TMEM50B: variants seen among roughly 807,000 people sequenced by gnomAD.
TMEM50B encodes HCV p7-trans-regulated protein 3.
A neutral mutation model predicts 23.4 loss-of-function variants in TMEM50B; 14 were observed. The observed-to-expected ratio is 0.60, with a 90% CI of 0.39 to 0.93. TMEM50B has a LOEUF of 0.93. Ranked by LOEUF, TMEM50B falls within the 40% of genes least tolerant of loss-of-function variation. The pLI is 0.00. For synonymous variants in TMEM50B, 64 were observed against 62.3 expected (o/e 1.03, Z -0.13); for missense variants, 159 against 193.0 (o/e 0.82, Z 1.04).
chr21:33,466,281 A>G (rs1453046950), intron 3 of TMEM50B, among the ~76,000 whole-genome samples: 1 of 152,146 alleles, frequency 6.6e-6, no homozygotes, highest in Non-Finnish European at 1.5e-5. Flanking sequence ...AAACCTCCTG[A>G]TGGTATAAGG....
chr21:33,474,485 A>G (rs1191729836), intron 1 of TMEM50B, among the ~76,000 whole-genome samples: 1 of 151,166 alleles, frequency 6.6e-6, no homozygotes, highest in Non-Finnish European at 1.5e-5. Flanking sequence ...ACTGAGACCT[A>G]CAAGAAAAAC....
At chr21:33,466,564 T>C (rs73195854) in intron 3 of TMEM50B, among the ~76,000 whole-genome samples, 2,230 of 152,130 alleles carry the variant, frequency 0.015, 24 homozygotes, top group Non-Finnish European at 0.022. Flanking sequence ...ACTAAAAAAA[T>C]GCAGAAACGT....
At chr21:33,433,606 G>GGGAGGGAA in intron 8 of TMEM50B, among the ~76,000 whole-genome samples, 1 of 152,054 alleles carries the variant, frequency 6.6e-6, no homozygotes, top group East Asian at 1.9e-4. Flanking sequence ...CGGTGGTGGA[G>GGGAGGGAA]GGAGGGAAGT....
At chr21:33,441,059 G>C (rs2084004446) in intron 7 of TMEM50B, among the ~76,000 whole-genome samples, 1 of 151,606 alleles carries the variant, frequency 6.6e-6, no homozygotes. Flanking sequence ...GTGACACCCT[G>C]TCTCTACTAA....
chr21:33,447,725 T>C (rs867974652), downstream of TMEM50B, among the ~76,000 whole-genome samples: 838 of 120,244 alleles, frequency 7.0e-3, 8 homozygotes, highest in African/African-American at 0.022. Context: ...CACACATATA[T>C]ATATATACTG....
intron 1 of TMEM50B, chr21:33,478,923 C>T (rs2084399696): frequency 4.7e-6 from 2 of 426,052 alleles, no homozygotes; most frequent in Admixed American, 6.1e-5. Context: ...TGGGATCCTC[C>T]GAAAAGAGAA....
At chr21:33,465,193 GAA>G in intron 4 of TMEM50B, 147 bp downstream of exon 4, 1 of 536,506 alleles carries the variant, frequency 1.9e-6, no homozygotes, top group East Asian at 3.1e-5. Context: ...TTAAGGATTT[GAA>G]TAACACTAAA....
At chr21:33,447,994 A>C (rs903617333), downstream of TMEM50B, among the ~76,000 whole-genome samples, 1 of 151,822 alleles carries the variant, frequency 6.6e-6, no homozygotes, top group African/African-American at 2.4e-5. Flanking sequence ...TTATGTTTTT[A>C]TTTATTTTTT....
chr21:33,472,238 C>G (rs1468663550), intron 1 of TMEM50B, among the ~76,000 whole-genome samples: 1 of 151,326 alleles, frequency 6.6e-6, no homozygotes, highest in Non-Finnish European at 1.5e-5. Flanking sequence ...AAAAACTTAG[C>G]TGGGCATGGT....
intron 8 of TMEM50B, among the ~76,000 whole-genome samples, chr21:33,435,413 C>T (rs2083935732): frequency 6.6e-6 from 1 of 151,482 alleles, no homozygotes; most frequent in Non-Finnish European, 1.5e-5. Flanking sequence ...ACCCACAGGC[C>T]TACACTGAGG....
chr21:33,441,550 C>T (rs930247924), intron 7 of TMEM50B, among the ~76,000 whole-genome samples: 1 of 152,080 alleles, frequency 6.6e-6, no homozygotes, highest in African/African-American at 2.4e-5. Flanking sequence ...GGCAGATGTC[C>T]TCATAGAAGT....
chr21:33,447,226 GAC>G, downstream of TMEM50B: 1 of 101,654 alleles, frequency 9.8e-6, no homozygotes, highest in Non-Finnish European at 2.6e-5. Flanking sequence ...AAGCTTCTTT[GAC>G]ACACACACCT....
exon 9 of TMEM50B, chr21:33,432,606 A>G (rs2083899942): frequency 7.8e-7 from 1 of 1,287,820 alleles, no homozygotes; most frequent in Non-Finnish European, 1.1e-6. Flanking sequence ...GGACTTGCCC[A>G]TTTTACTAGG....
intron 5 of TMEM50B, among the ~76,000 whole-genome samples, chr21:33,459,691 G>A (rs887244023): frequency 6.6e-6 from 1 of 151,048 alleles, no homozygotes; most frequent in Non-Finnish European, 1.5e-5. Context: ...AAAATTACAG[G>A]ATTAGGTTGG....
exon 9 of TMEM50B, chr21:33,432,683 C>A: frequency 6.2e-7 from 1 of 1,610,926 alleles, no homozygotes; most frequent in Non-Finnish European, 8.5e-7. Context: ...GTAGGAAGAT[C>A]ATTCTGTTCA....
intron 5 of TMEM50B, among the ~76,000 whole-genome samples, chr21:33,458,901 A>G (rs1239960061): frequency 6.6e-6 from 1 of 152,202 alleles, no homozygotes; most frequent in African/African-American, 2.4e-5. Context: ...TCCTCTTGTA[A>G]TCTGACTTAT....
intron 5 of TMEM50B, among the ~76,000 whole-genome samples, chr21:33,456,315 C>T (rs1462346917): frequency 6.6e-6 from 1 of 152,270 alleles, no homozygotes; most frequent in East Asian, 1.9e-4. Context: ...CCTCCTGCCT[C>T]AGCGTCCCAA....
Position 33,460,506 on chromosome 21 carries a change from C to A in TMEM50B, c.281-1G>T. 2 of 1,600,356 alleles carry A rather than the reference C, an allele frequency of 1.2e-6. No homozygotes were observed. Among genetic ancestry groups the A allele is most frequent in the South Asian group, 1.1e-5 (1 of 89,288 alleles). On this transcript the variant is annotated splice_acceptor_variant, in intron 4 of 6. Coordinates refer to ENST00000542230, the MANE Select transcript of TMEM50B (RefSeq NM_006134.7). LOFTEE classifies it high-confidence loss of function. ...CCAATGAAAAGCCAAACTCGAGCACCTGTGTAGAGAAGAGGCTTTATGATT... is the reference window on the plus strand; with the variant it reads ...CCAATGAAAAGCCAAACTCGAGCACATGTGTAGAGAAGAGGCTTTATGATT...
chr21:33,474,217 AAG>A (rs1480312907), intron 1 of TMEM50B, among the ~76,000 whole-genome samples: 1 of 145,270 alleles, frequency 6.9e-6, no homozygotes, highest in Non-Finnish European at 1.6e-5. Flanking sequence ...TGTTTTTTTT[AAG>A]AGAGACAGGG....
Sources: gnomAD v4.1 joint callset for allele counts (sites outside exome capture counted in the v4.1 genomes callset) on GRCh38, gnomAD v4.1.1 for gene constraint, MANE v1.5 for transcripts, NCBI Gene and HGNC (gene_info 2026-07-23, HGNC 2026-07-21) for gene names.